Variants in MARCHF1 observed in about 807,000 individuals in gnomAD.
The protein encoded by MARCHF1 is membrane associated ring-CH-type finger 1.
A neutral mutation model predicts 54.2 loss-of-function variants in MARCHF1; 40 were observed. That is an observed-to-expected ratio of 0.74 (90% confidence interval 0.57 to 0.96). The LOEUF (loss-of-function observed/expected upper bound fraction) is 0.96, where lower values mean the gene tolerates loss of function less well. Among genes scored for constraint, MARCHF1 ranks in the 40% least tolerant of loss-of-function variants. MARCHF1 has a pLI of 0.00. For synonymous variants in MARCHF1, 236 were observed against 236.3 expected (o/e 1.00, Z 0.01); for missense variants, 586 against 656.5 (o/e 0.89, Z 1.17).
intron 2 of MARCHF1, among the ~76,000 whole-genome samples, chr4:164,085,860 T>C (rs896971837): frequency 3.3e-5 from 5 of 151,808 alleles, no homozygotes; most frequent in African/African-American, 1.2e-4. Flanking sequence ...TGTATAGGCA[T>C]GAGATAAGAT....
At chr4:164,350,948 T>C (rs1000832299) in intron 1 of MARCHF1, among the ~76,000 whole-genome samples, 4 of 151,968 alleles carry the variant, frequency 2.6e-5, no homozygotes, top group African/African-American at 7.2e-5. Context: ...TTGCCTCACC[T>C]GGGAAGCGCA....
intron 4 of MARCHF1, among the ~76,000 whole-genome samples, chr4:163,774,098 A>T (rs1747237290): frequency 2.0e-5 from 3 of 152,176 alleles, no homozygotes; most frequent in Admixed American, 2.0e-4. Context: ...AAATCCACAG[A>T]TGCTCAACTT....
At chr4:163,982,124 T>C (rs1394779691) in intron 3 of MARCHF1, among the ~76,000 whole-genome samples, 3 of 152,240 alleles carry the variant, frequency 2.0e-5, no homozygotes, top group Admixed American at 6.5e-5. Flanking sequence ...AATAATAATA[T>C]GGAAATTTCC....
At chr4:163,864,176 C>G (rs911106307) in intron 3 of MARCHF1, among the ~76,000 whole-genome samples, 1 of 151,920 alleles carries the variant, frequency 6.6e-6, no homozygotes, top group Non-Finnish European at 1.5e-5. Context: ...TATGAAAAGA[C>G]AGAAAAATAA....
chr4:163,829,156 T>C (rs977377294), intron 4 of MARCHF1: 1 of 152,178 alleles, frequency 6.6e-6, no homozygotes, highest in African/African-American at 2.4e-5. Context: ...AATATATATC[T>C]TTAATCAGTA....
intron 2 of MARCHF1, among the ~76,000 whole-genome samples, chr4:164,108,416 A>G (rs536267847): frequency 6.6e-6 from 1 of 151,958 alleles, no homozygotes; most frequent in Non-Finnish European, 1.5e-5. Context: ...TCATTCATTC[A>G]TTGTTTTTTT....
intron 1 of MARCHF1, among the ~76,000 whole-genome samples, chr4:164,323,786 C>T (rs1028954574): frequency 2.6e-5 from 4 of 151,416 alleles, no homozygotes; most frequent in African/African-American, 4.8e-5. Flanking sequence ...CAAGCTGGAC[C>T]TAAGACGTGG....
At chr4:163,900,732 T>G (rs969649919) in intron 3 of MARCHF1, among the ~76,000 whole-genome samples, 1 of 152,146 alleles carries the variant, frequency 6.6e-6, no homozygotes, top group Non-Finnish European at 1.5e-5. Context: ...TTCAGTTTGG[T>G]CTAACAGCAT....
intron 3 of MARCHF1, among the ~76,000 whole-genome samples, chr4:163,941,119 T>G (rs1367587242): frequency 1.3e-5 from 2 of 152,132 alleles, no homozygotes; most frequent in African/African-American, 4.8e-5. Flanking sequence ...ACAGGCTATG[T>G]ATCCTTGAGA....
intron 1 of MARCHF1, among the ~76,000 whole-genome samples, chr4:164,255,205 T>C (rs1733243625): frequency 6.6e-6 from 1 of 152,148 alleles, no homozygotes. Flanking sequence ...AGCTGGATGA[T>C]AGATACATAA....
chr4:164,190,408 A>G, intron 1 of MARCHF1: 1 of 475,616 alleles, frequency 2.1e-6, no homozygotes, highest in South Asian at 4.4e-5. Context: ...AAAATGAGAG[A>G]AGTCAAGTCT....
chr4:163,544,363 CCTAA>C (rs374014981), intron 9 of MARCHF1, among the ~76,000 whole-genome samples: 30 of 152,222 alleles, frequency 2.0e-4, no homozygotes, highest in South Asian at 4.2e-4. Flanking sequence ...AAAACCCCAT[CCTAA>C]CTGTTTTTCT....
At chr4:163,691,173 T>C (rs1361799387) in intron 5 of MARCHF1, among the ~76,000 whole-genome samples, 1 of 152,216 alleles carries the variant, frequency 6.6e-6, no homozygotes, top group African/African-American at 2.4e-5. Context: ...TATCGAATTG[T>C]TGTATCAGGC....
intron 1 of MARCHF1, among the ~76,000 whole-genome samples, chr4:164,193,677 C>T (rs1245335370): frequency 6.6e-6 from 1 of 152,090 alleles, no homozygotes; most frequent in Non-Finnish European, 1.5e-5. Flanking sequence ...ATTTCATCTT[C>T]AGTGCTAGAA....
intron 4 of MARCHF1, among the ~76,000 whole-genome samples, chr4:163,850,334 G>C (rs1749608868): frequency 6.6e-6 from 1 of 152,180 alleles, no homozygotes; most frequent in Non-Finnish European, 1.5e-5. Context: ...ACAGTTTTGA[G>C]GGGCTTGTCC....
At chr4:164,292,387 C>T (rs1205497409) in intron 1 of MARCHF1, among the ~76,000 whole-genome samples, 1 of 152,064 alleles carries the variant, frequency 6.6e-6, no homozygotes, top group African/African-American at 2.4e-5. Flanking sequence ...GGTGAAGCAG[C>T]ATTTCTTAAA....
chr4:163,986,155 A>C (rs1280933340), intron 3 of MARCHF1, among the ~76,000 whole-genome samples: 1 of 151,258 alleles, frequency 6.6e-6, no homozygotes, highest in Non-Finnish European at 1.5e-5. Flanking sequence ...AAACATTATA[A>C]GTGCTTCCCT....
At chr4:164,061,288 CT>C (rs1754609553) in intron 2 of MARCHF1, among the ~76,000 whole-genome samples, 1 of 151,724 alleles carries the variant, frequency 6.6e-6, no homozygotes, top group Non-Finnish European at 1.5e-5. Context: ...GGGCACTTTG[CT>C]TCTGAATTAC....
chr4:164,002,773 T>A (rs945648254), intron 2 of MARCHF1, among the ~76,000 whole-genome samples: 1 of 151,816 alleles, frequency 6.6e-6, no homozygotes, highest in Non-Finnish European at 1.5e-5. Context: ...AAATTCAAAT[T>A]TCTGAAAACG....
Sources: gnomAD v4.1 joint callset for allele counts (sites outside exome capture counted in the v4.1 genomes callset) on GRCh38, gnomAD v4.1.1 for gene constraint, MANE v1.5 for transcripts, NCBI Gene and HGNC (gene_info 2026-07-23, HGNC 2026-07-21) for gene names.